SPATA31H1: variants seen among roughly 807,000 people sequenced by gnomAD.
SPATA31H1 encodes the protein SPATA31 subfamily H member 1, also known as spermatogenesis-associated protein 31H1.
At chr2:27,565,912 C>T in the SPATA31H1 span, 1 of 662,760 alleles carries the variant, frequency 1.5e-6, no homozygotes, top group African/African-American at 1.8e-5. Flanking sequence ...CTGAGATCTA[C>T]CACTAATTAG....
chr2:27,578,339 A>G, the SPATA31H1 span: 2 of 1,614,156 alleles, frequency 1.2e-6, no homozygotes, highest in Admixed American at 3.3e-5. Context: ...AAATTGTAAA[A>G]ACTATGTTAA....
At chr2:27,582,583 C>G in the SPATA31H1 span, 3 of 1,503,232 alleles carry the variant, frequency 2.0e-6, no homozygotes, top group Non-Finnish European at 2.7e-6. Context: ...CTGCCCTTTC[C>G]AGGCTTCTTT....
chr2:27,543,504 T>C, the SPATA31H1 span, among the ~76,000 whole-genome samples: 1,193 of 149,180 alleles, frequency 8.0e-3, 43 homozygotes, highest in African/African-American at 0.028. Flanking sequence ...TTTTTGTCTA[T>C]ATCAAATATA....
the SPATA31H1 span, among the ~76,000 whole-genome samples, chr2:27,562,167 T>C: frequency 1.3e-5 from 2 of 152,230 alleles, no homozygotes; most frequent in Non-Finnish European, 2.9e-5. Context: ...ATCTTAGTGT[T>C]TGGTACAGCA....
At chr2:27,539,627 CTGGG>C in the SPATA31H1 span, among the ~76,000 whole-genome samples, 1 of 111,254 alleles carries the variant, frequency 9.0e-6, no homozygotes, top group African/African-American at 3.6e-5. Context: ...CAATGAGCCG[CTGGG>C]CACACCTCCC....
chr2:27,539,961 G>C, the SPATA31H1 span, among the ~76,000 whole-genome samples: 1 of 125,746 alleles, frequency 8.0e-6, no homozygotes, highest in African/African-American at 3.0e-5. Context: ...CTGGCCAGGC[G>C]GGGGGCTGAT....
At chr2:27,576,667 A>G in the SPATA31H1 span, 29 of 1,613,804 alleles carry the variant, frequency 1.8e-5, no homozygotes, top group Middle Eastern at 6.6e-4. Context: ...TTGGTACCAG[A>G]GCCAACTAGG....
At chr2:27,573,976 A>C in the SPATA31H1 span, 1 of 398,552 alleles carries the variant, frequency 2.5e-6, no homozygotes, top group Non-Finnish European at 4.4e-6. Context: ...AAATCTTCTA[A>C]GTTGAACCCT....
chr2:27,568,785 T>G, the SPATA31H1 span: 2 of 398,612 alleles, frequency 5.0e-6, no homozygotes, highest in Non-Finnish European at 4.4e-6. Context: ...ATGTAGGAGG[T>G]CAATTCCTGA....
chr2:27,543,225 T>C, the SPATA31H1 span, among the ~76,000 whole-genome samples: 1 of 152,076 alleles, frequency 6.6e-6, no homozygotes, highest in African/African-American at 2.4e-5. Context: ...CTTTTTTGAC[T>C]CTCAAACTTC....
the SPATA31H1 span, among the ~76,000 whole-genome samples, chr2:27,563,160 G>T: frequency 1.1e-4 from 17 of 152,010 alleles, 1 homozygote; most frequent in South Asian, 3.5e-3. Flanking sequence ...TTTGTAAGTT[G>T]TTCTGGTATT....
the SPATA31H1 span, chr2:27,576,167 A>C: frequency 4.9e-6 from 2 of 406,192 alleles, no homozygotes; most frequent in South Asian, 1.1e-4. Context: ...AAGGTGTAGA[A>C]TCAGGGACAA....
At chr2:27,564,875 T>C in the SPATA31H1 span, among the ~76,000 whole-genome samples, 1 of 152,224 alleles carries the variant, frequency 6.6e-6, no homozygotes, top group Non-Finnish European at 1.5e-5. Flanking sequence ...TGGAGCACTT[T>C]GAAAAAAATC....
the SPATA31H1 span, chr2:27,574,348 C>CAG: frequency 2.5e-6 from 1 of 398,398 alleles, no homozygotes; most frequent in Non-Finnish European, 4.4e-6. Context: ...GGTGTGAAAT[C>CAG]GGTAGAATTC....
chr2:27,570,601 A>T, the SPATA31H1 span: 1 of 398,800 alleles, frequency 2.5e-6, no homozygotes, highest in Admixed American at 4.4e-5. Flanking sequence ...AAATGTTTTG[A>T]TTTAGTACCA....
the SPATA31H1 span, among the ~76,000 whole-genome samples, chr2:27,555,515 C>CA: frequency 2.1e-4 from 31 of 149,158 alleles, no homozygotes; most frequent in East Asian, 3.9e-4. Flanking sequence ...CTCCAAAAAC[C>CA]AAAAAAAAAC....
chr2:27,575,444 A>G, the SPATA31H1 span: 6 of 398,446 alleles, frequency 1.5e-5, no homozygotes, highest in Admixed American at 1.8e-4. The surrounding 1 kb of genome is among the most constrained non-coding windows in gnomAD (Gnocchi z 4.1). Flanking sequence ...ATCTTCAGCA[A>G]CAGTTGCAAG....
the SPATA31H1 span, among the ~76,000 whole-genome samples, chr2:27,561,142 C>A: frequency 0.011 from 1,624 of 152,138 alleles, 16 homozygotes; most frequent in Non-Finnish European, 0.015. Flanking sequence ...ACCAGCCTGG[C>A]CAATATGATG....
the SPATA31H1 span, chr2:27,574,095 T>C: frequency 2.5e-6 from 1 of 398,462 alleles, no homozygotes; most frequent in East Asian, 3.6e-5. Flanking sequence ...AGGTGTCAAA[T>C]CTACAGACTT....
Sources: allele counts gnomAD v4.1 joint callset (sites outside exome capture counted in the v4.1 genomes callset), GRCh38; gene constraint gnomAD v4.1.1; non-coding constraint Gnocchi (gnomAD v3.1); transcripts MANE v1.5; gene names NCBI Gene and HGNC (gene_info 2026-07-23, HGNC 2026-07-21).